Variants in SERINC1 observed in about 807,000 individuals in gnomAD.
SERINC1 encodes tumor differentially expressed protein 2.
A neutral mutation model predicts 52.9 loss-of-function variants in SERINC1; 38 were observed. The observed-to-expected ratio is 0.72, with a 90% confidence interval of 0.55 to 0.94. The LOEUF (loss-of-function observed/expected upper bound fraction) is 0.94, where lower values mean the gene tolerates loss of function less well. SERINC1 is among the 40% of genes least tolerant of loss of function. The pLI, the probability that SERINC1 is intolerant of heterozygous loss-of-function variation, is 0.00. For missense variants in SERINC1, 471 were observed against 533.9 expected (o/e 0.88, Z 1.16); for synonymous variants, 198 against 183.1 (o/e 1.08, Z -0.66).
chr6:122,449,884 C>T (rs889821332), intron 7 of SERINC1, among the ~76,000 whole-genome samples: 3 of 151,992 alleles, frequency 2.0e-5, no homozygotes, highest in African/African-American at 7.3e-5. Context: ...GGTGTGGTGG[C>T]GCAGGCCTGT....
rs1181414280 is a variant in SERINC1 at position 122,447,367 on chromosome 6, A to G, written c.851-102T>C. ...ACTCTCTATACCCCTGCAAATTGAG[A>G]AACAATTGCTGGAAAAGGCATCAGT... On this transcript the variant is annotated intron_variant, in intron 7 of 9. Transcript: ENST00000339697. 3 of 824,944 alleles carry G rather than the reference A, an allele frequency of 3.6e-6. No homozygotes were observed. In the African/African-American group the frequency reaches 5.1e-5, roughly 14 times the overall value. The allele number at this position is 824,944 out of a possible 1,614,324, so 51.1% of individuals were successfully genotyped here.
In SERINC1 at chr6:122,446,964, G is replaced by C; in HGVS notation, c.1036C>G (p.Leu346Val). 21 of 1,613,148 alleles carry C rather than the reference G, an allele frequency of 1.3e-5. No homozygotes were observed. Among genetic ancestry groups the C allele is most frequent in the Non-Finnish European group, 1.3e-5 (15 of 1,179,108 alleles). ...SNNSQVNKLT[L>V]TSDESTLIED... ...ATTAATGTAGATTCATCACTTGTTAGAGTCAGTTTATTAACCTGACTATTG... is the reference window on the plus strand; with the variant it reads ...ATTAATGTAGATTCATCACTTGTTACAGTCAGTTTATTAACCTGACTATTG... Residue 346 changes from leucine (L) to valine (V), a missense_variant, in exon 9 of 10, where the codon CTA (leucine) becomes GTA (valine). Transcript: ENST00000339697.
At chr6:122,455,940 T>C (rs1358161141) in intron 3 of SERINC1, among the ~76,000 whole-genome samples, 1 of 152,176 alleles carries the variant, frequency 6.6e-6, no homozygotes, top group Non-Finnish European at 1.5e-5. Context: ...ACATATTTTC[T>C]CATTAATATT....
chr6:122,467,423 T>C (rs777978535), intron 1 of SERINC1, among the ~76,000 whole-genome samples: 13 of 152,110 alleles, frequency 8.5e-5, no homozygotes, highest in Non-Finnish European at 1.8e-4. Context: ...CTGGCCAACA[T>C]GACAAAACAC....
rs765563564 is a variant in SERINC1, at chr6:122,445,165, C to A, written c.1241G>T (p.Arg414Leu). 3.1e-6 allele frequency: 5 copies of A among 1,613,594 alleles called. No individual in the cohort carries two copies. In the South Asian group the frequency reaches 5.5e-5, roughly 18 times the overall value. ...AGCTGTCCACTGACTTTTCATCTCA[C>A]GAGAGGGTTCATACCTAAAATTTCA... is the stretch of plus-strand genomic sequence containing the variant. Reference protein sequence around the residue: ...LTNWYRYEPSREMKSQWTAVW... With the variant: ...LTNWYRYEPSLEMKSQWTAVW... The change falls in exon 10 of 10, where the codon CGT becomes CTT. Residue 414 changes from arginine (R) to leucine (L), a missense_variant. Transcript: ENST00000339697.
At chr6:122,467,102 G>GAAAAA (rs949045060) in intron 1 of SERINC1, among the ~76,000 whole-genome samples, 1 of 151,552 alleles carries the variant, frequency 6.6e-6, no homozygotes, top group African/African-American at 2.4e-5. Flanking sequence ...AAGCAATGAA[G>GAAAAA]AAAAAAAGGG....
intron 1 of SERINC1, among the ~76,000 whole-genome samples, chr6:122,469,441 A>C (rs1775238250): frequency 6.6e-6 from 1 of 150,422 alleles, no homozygotes; most frequent in Non-Finnish European, 1.5e-5. Context: ...CAGTGGCGCC[A>C]TCTTGGCTCA....
rs1374534480 is a variant in SERINC1, at chr6:122,454,181, A to C, written c.421T>G (p.Phe141Val). ...GTAAAAGTTCCTTCTGGAATGAAGA[A>C]TGCCCCAATAATAATTGCAATTGCT... ...AAAIAIIIGA[F>V]FIPEGTFTTV... The change falls in exon 4 of 10, where the codon TTC becomes GTC. Residue 141 changes from phenylalanine to valine, a missense_variant. Phe to Val is a conservative substitution (Grantham distance 50). Transcript: ENST00000339697. The C allele has an allele frequency of 1.3e-6, 2 of 1,591,888 alleles. No homozygotes were observed. The highest frequency in any genetic ancestry group is 2.3e-5 in the South Asian group (2 of 85,518).
intron 1 of SERINC1, 82 bp downstream of exon 1, chr6:122,471,617 C>G (rs1775302916): frequency 6.4e-7 from 1 of 1,571,306 alleles, no homozygotes; most frequent in African/African-American, 1.4e-5. Flanking sequence ...ACATTCCCGC[C>G]GGGCTCACCC....
At chr6:122,451,182 A>C (rs1582631035) in intron 7 of SERINC1, among the ~76,000 whole-genome samples, 1 of 152,182 alleles carries the variant, frequency 6.6e-6, no homozygotes, top group East Asian at 1.9e-4. Context: ...GCAGCAACCA[A>C]CACCCTGTTC....
intron 3 of SERINC1, among the ~76,000 whole-genome samples, chr6:122,455,499 T>C (rs772586814): frequency 6.6e-6 from 1 of 152,152 alleles, no homozygotes; most frequent in Non-Finnish European, 1.5e-5. Flanking sequence ...CTCCAAGTTC[T>C]TCAGTTTTGG....
At chr6:122,459,023 C>T (rs1052127849) in intron 1 of SERINC1, among the ~76,000 whole-genome samples, 1 of 152,106 alleles carries the variant, frequency 6.6e-6, no homozygotes, top group African/African-American at 2.4e-5. Flanking sequence ...GCTAAGCCCA[C>T]CTCCAGCCCC....
intron 1 of SERINC1, among the ~76,000 whole-genome samples, chr6:122,465,301 T>C (rs1775169394): frequency 6.6e-6 from 1 of 152,104 alleles, no homozygotes; most frequent in Non-Finnish European, 1.5e-5. Context: ...TAAAAATAGA[T>C]GATTGGTTGA....
At position 122,444,764 on chromosome 6, in the gene SERINC1, C is replaced by A; in HGVS notation, c.*280G>T. 1 of 295,958 alleles carries A rather than the reference C, an allele frequency of 3.4e-6. No homozygotes were observed. The highest frequency in any genetic ancestry group is 6.2e-6 in the Non-Finnish European group (1 of 161,234). 18.3% of individuals were successfully genotyped at this position (295,958 alleles called of 1,614,324 possible). A position where few individuals can be genotyped will look rare whatever the true frequency, so the allele number is the denominator to read the frequency against. ...ATAGTCAAACAAATTTGTTTTTACT[C>A]TTCATTTCACAACTATAGAGCAGAG... is the stretch of plus-strand genomic sequence containing the variant. On this transcript the variant is annotated 3_prime_UTR_variant, in exon 10 of 10. Transcript: ENST00000339697.
At chr6:122,456,413 G>A (rs756275382) in intron 3 of SERINC1, 68 bp downstream of exon 3, 1 of 968,570 alleles carries the variant, frequency 1.0e-6, no homozygotes, top group Non-Finnish European at 1.5e-6. Flanking sequence ...AAGTTTCCTT[G>A]GATAAACTGG....
At chr6:122,462,760 T>C (rs1046490207) in intron 1 of SERINC1, among the ~76,000 whole-genome samples, 2 of 152,140 alleles carry the variant, frequency 1.3e-5, no homozygotes, top group Non-Finnish European at 2.9e-5. Context: ...AAGAAAATAG[T>C]TATAAATCTA....
In SERINC1 at chr6:122,447,010, T is replaced by C. The variant is rs1562212267; in HGVS notation, c.996-6A>G. The C allele has an allele frequency of 1.3e-6, 2 of 1,597,168 alleles. No homozygotes were observed. The highest frequency in any genetic ancestry group is 3.3e-5 in the Admixed American group (2 of 59,916). On this transcript the variant is annotated splice_polypyrimidine_tract_variant and splice_region_variant and intron_variant, in intron 8 of 9. Coordinates refer to ENST00000339697, the MANE Select transcript of SERINC1 (RefSeq NM_020755.4). Reference sequence around the variant, plus strand: ...TATTGTTTGAAGTACGGATGCTGTATGAAAGAGAGTTTAGGAGGAGAGAAA... The same window carrying C: ...TATTGTTTGAAGTACGGATGCTGTACGAAAGAGAGTTTAGGAGGAGAGAAA...
At chr6:122,463,279 T>C (rs1424084610) in intron 1 of SERINC1, among the ~76,000 whole-genome samples, 3 of 152,186 alleles carry the variant, frequency 2.0e-5, no homozygotes, top group African/African-American at 7.2e-5. Flanking sequence ...CCTTAAGCCA[T>C]AATCAAACCA....
intron 3 of SERINC1, among the ~76,000 whole-genome samples, chr6:122,454,869 G>T (rs1235725900): frequency 6.6e-6 from 1 of 152,020 alleles, no homozygotes; most frequent in Admixed American, 6.6e-5. Flanking sequence ...TGTAATTGTT[G>T]TGAGTACTTC....
Sources: allele counts gnomAD v4.1 joint callset (sites outside exome capture counted in the v4.1 genomes callset), GRCh38; gene constraint gnomAD v4.1.1; transcripts MANE v1.5; gene names NCBI Gene and HGNC (gene_info 2026-07-23, HGNC 2026-07-21).